The following ZNF138 variants were observed in gnomAD, a reference collection of about 807,000 sequenced individuals.
The protein encoded by ZNF138 is zinc finger protein 138 (clone pHZ-32).
A neutral mutation model predicts 33.0 loss-of-function variants in ZNF138; 33 were observed. That is an observed-to-expected ratio of 1.00 (90% CI 0.76 to 1.34). The LOEUF is 1.34. ZNF138 is among the 40% of genes most tolerant of loss of function. ZNF138 has a pLI of 0.00. For synonymous variants in ZNF138, 139 were observed against 120.4 expected (o/e 1.15, Z -1.01); for missense variants, 360 against 370.8 (o/e 0.97, Z 0.24).
intron 3 of ZNF138, among the ~76,000 whole-genome samples, chr7:64,826,059 A>G (rs1363255338): frequency 6.6e-6 from 1 of 151,188 alleles, no homozygotes; most frequent in African/African-American, 2.4e-5. Flanking sequence ...CTTGTCTTGA[A>G]CTTCTGGGAT....
Position 64,832,636 on chromosome 7 carries a change from A to G in ZNF138, c.*434A>G, listed in dbSNP as rs1471208264. ...AACCAGTCCTCACACCTTATGAGAC[A>G]TAAGAAAATTCATAGTAAAGAGAAA... On this transcript the variant is annotated 3_prime_UTR_variant, in exon 4 of 4. Coordinates refer to ENST00000307355, the MANE Select transcript of ZNF138 (RefSeq NM_001271639.2). 6 of 466,238 alleles carry G rather than the reference A, an allele frequency of 1.3e-5. No individual in the cohort carries two copies. Among genetic ancestry groups the G allele is most frequent in the Non-Finnish European group, 2.1e-5 (5 of 238,456 alleles). The allele number at this position is 466,238 out of a possible 1,614,324, so 28.9% of individuals were successfully genotyped here. A position where few individuals can be genotyped will look rare whatever the true frequency, so the allele number is the denominator to read the frequency against.
the ZNF138 span, among the ~76,000 whole-genome samples, chr7:64,858,628 ATG>A: frequency 6.6e-6 from 1 of 152,162 alleles, no homozygotes; most frequent in Non-Finnish European, 1.5e-5. Context: ...AAGACCCATT[ATG>A]TTTGGCCAAA....
At chr7:64,842,995 C>T in the ZNF138 span, among the ~76,000 whole-genome samples, 1 of 152,146 alleles carries the variant, frequency 6.6e-6, no homozygotes, top group Non-Finnish European at 1.5e-5. Flanking sequence ...TCCTAAATAA[C>T]TTGTGTCTGG....
At chr7:64,801,100 A>AT (rs894800980) in intron 1 of ZNF138, among the ~76,000 whole-genome samples, 4 of 151,930 alleles carry the variant, frequency 2.6e-5, no homozygotes, top group African/African-American at 9.7e-5. Flanking sequence ...TAGCTTATTA[A>AT]TTTTTTTAAT....
rs559514763 is a variant in ZNF138 at position 64,817,077 on chromosome 7, G to C, written c.208+1424G>C. ...ATGGTGGGCCTTATATCAGGATATG[G>C]ATGAGTATGGCTTTCACTGAGTACC... On this transcript the variant is annotated intron_variant, in intron 3 of 3. Coordinates refer to ENST00000307355, the MANE Select transcript of ZNF138 (RefSeq NM_001271639.2). Among the ~76,000 whole-genome samples, 7 of 152,340 alleles carry C rather than the reference G, an allele frequency of 4.6e-5. No individual in the cohort carries two copies. The South Asian group carries it at 1.4e-3, about 32-fold the overall frequency.
chr7:64,839,586 G>T, the ZNF138 span, among the ~76,000 whole-genome samples: 2 of 151,768 alleles, frequency 1.3e-5, no homozygotes, highest in African/African-American at 4.9e-5. Flanking sequence ...GGCCAGGGAG[G>T]AATGGACAAA....
chr7:64,849,772 C>T, the ZNF138 span, among the ~76,000 whole-genome samples: 1 of 151,996 alleles, frequency 6.6e-6, no homozygotes, highest in Non-Finnish European at 1.5e-5. Context: ...TCATGCAACC[C>T]CAAAAGCAAG....
At position 64,824,441 on chromosome 7, in the gene ZNF138, C is replaced by T. The variant is rs1207585823; in HGVS notation, c.209-7010C>T. ...CTTTTTTCTTTACAGATTATCTACTCGGGTATTCCTGTGTATGCAAAATAA... is the reference window on the plus strand; with the variant it reads ...CTTTTTTCTTTACAGATTATCTACTTGGGTATTCCTGTGTATGCAAAATAA... On this transcript the variant is annotated intron_variant, in intron 3 of 3. Transcript: ENST00000307355. Among the ~76,000 whole-genome samples, 6 of 152,256 alleles carry T rather than the reference C, an allele frequency of 3.9e-5. No individual in the cohort carries two copies. The East Asian group carries it at 5.8e-4, about 15-fold the overall frequency.
chr7:64,800,222 A>G (rs1352106361), intron 1 of ZNF138, among the ~76,000 whole-genome samples: 1 of 152,150 alleles, frequency 6.6e-6, no homozygotes, highest in East Asian at 1.9e-4. Context: ...GTGGACTACC[A>G]ATTCTGTGTT....
rs113602405 is a variant in ZNF138 at position 64,817,507 on chromosome 7, T to C, written c.208+1854T>C. 2.4e-3 allele frequency among the ~76,000 whole-genome samples: 373 copies of C among 152,316 alleles called. 3 individuals carry two copies. The highest frequency in any genetic ancestry group is 8.5e-3 in the African/African-American group (353 of 41,574). On this transcript the variant is annotated intron_variant, in intron 3 of 3. Transcript: ENST00000307355. ...ACTCCCTCCCTGGATCTCAGAGCTC[T>C]CTTAAAAACACTTATTTTTGACATG...
chr7:64,840,468 T>C, the ZNF138 span, among the ~76,000 whole-genome samples: 19 of 4,454 alleles, frequency 4.3e-3, no homozygotes, highest in Non-Finnish European at 0.081. Context: ...AGTATCTGTT[T>C]ATATTTATGT....
intron 1 of ZNF138, among the ~76,000 whole-genome samples, chr7:64,800,717 G>A (rs1243553132): frequency 6.6e-6 from 1 of 152,136 alleles, no homozygotes; most frequent in African/African-American, 2.4e-5. Flanking sequence ...GAAGGAGGGA[G>A]TGTCTTCTCA....
chr7:64,815,255 T>TA (rs1788522368), intron 2 of ZNF138, among the ~76,000 whole-genome samples: 1 of 152,160 alleles, frequency 6.6e-6, no homozygotes, highest in Admixed American at 6.5e-5. Context: ...TCTGAGCTGA[T>TA]ATGTATCCTT....
chr7:64,836,177 G>A (rs189558577), downstream of ZNF138: 23 of 152,270 alleles, frequency 1.5e-4, no homozygotes, highest in Admixed American at 1.5e-3. Flanking sequence ...AGTGGGACCT[G>A]TCCTTTTGGG....
Position 64,832,379 on chromosome 7 carries a change from T to C in ZNF138, c.*177T>C, listed in dbSNP as rs971094630. The C allele has an allele frequency of 7.8e-6, 12 of 1,537,246 alleles. No homozygotes were observed. In the Admixed American group the frequency reaches 2.0e-4, roughly 25 times the overall value. On this transcript the variant is annotated 3_prime_UTR_variant, in exon 4 of 4. Coordinates refer to ENST00000307355, the MANE Select transcript of ZNF138 (RefSeq NM_001271639.2). The stretch of plus-strand genomic sequence containing the variant: ...CTTTTAACCAGTCCGCAAAGCTCAC[T>C]GAACATAAGTTAATTCATACTGGAG...
At chr7:64,840,192 T>G in the ZNF138 span, among the ~76,000 whole-genome samples, 1 of 152,134 alleles carries the variant, frequency 6.6e-6, no homozygotes, top group Admixed American at 6.5e-5. Context: ...ATAAACTTAA[T>G]TTTTTAATTA....
chr7:64,816,941 C>T (rs188698638), intron 3 of ZNF138, among the ~76,000 whole-genome samples: 3 of 152,216 alleles, frequency 2.0e-5, no homozygotes, highest in Non-Finnish European at 4.4e-5. Context: ...CTTGTTACAA[C>T]GGGCTTGGGC....
chr7:64,833,724 TTTGTTTTG>T (rs1790276274), downstream of ZNF138: 3 of 150,784 alleles, frequency 2.0e-5, no homozygotes, highest in African/African-American at 7.4e-5. Context: ...GTTTGTTTGT[TTTGTTTTG>T]TTTTTTTTAA....
intron 1 of ZNF138, among the ~76,000 whole-genome samples, chr7:64,800,651 T>C (rs1188760266): frequency 2.0e-5 from 3 of 152,216 alleles, no homozygotes; most frequent in Admixed American, 2.0e-4. Flanking sequence ...AAGTTTTCTT[T>C]TTATATCTGT....
Sources: gnomAD v4.1 joint callset for allele counts (sites outside exome capture counted in the v4.1 genomes callset) on GRCh38, gnomAD v4.1.1 for gene constraint, MANE v1.5 for transcripts, NCBI Gene and HGNC (gene_info 2026-07-23, HGNC 2026-07-21) for gene names.